Variants in SIL1 observed in about 807,000 individuals in gnomAD.
The protein encoded by SIL1 is nucleotide exchange factor SIL1.
SIL1 carries 40 observed loss-of-function variants against 49.1 expected under a neutral mutation model. The ratio of observed to expected loss-of-function variants is 0.81; its 90% confidence interval spans 0.63 to 1.06. SIL1 has a LOEUF of 1.06. SIL1 is among the 50% of genes least tolerant of loss of function. The pLI, the probability that SIL1 is intolerant of heterozygous loss-of-function variation, is 0.00. For synonymous variants in SIL1, 253 were observed against 250.8 expected (o/e 1.01, Z -0.08); for missense variants, 500 against 572.6 (o/e 0.87, Z 1.29).
chr5:139,093,373 G>A (rs1202918544), intron 3 of SIL1, among the ~76,000 whole-genome samples: 1 of 152,206 alleles, frequency 6.6e-6, no homozygotes, highest in African/African-American at 2.4e-5. Context: ...GATAAATCAA[G>A]TTCTAACACA....
At chr5:139,143,048 G>A (rs1161407737) in intron 1 of SIL1, among the ~76,000 whole-genome samples, 5 of 151,596 alleles carry the variant, frequency 3.3e-5, no homozygotes, top group Admixed American at 2.0e-4. Context: ...GATTACAAGC[G>A]TGAGCCACCG....
intron 3 of SIL1, among the ~76,000 whole-genome samples, chr5:139,086,618 A>G (rs956531704): frequency 4.6e-5 from 7 of 151,470 alleles, no homozygotes; most frequent in African/African-American, 1.2e-4. Flanking sequence ...CGGCCTCCCA[A>G]AGTGCTGGGA....
intron 7 of SIL1, among the ~76,000 whole-genome samples, chr5:139,018,625 G>A (rs1242842844): frequency 1.4e-5 from 2 of 147,454 alleles, no homozygotes; most frequent in African/African-American, 5.0e-5. Flanking sequence ...AGCACCAAGA[G>A]ATACATGGTA....
At chr5:139,112,774 G>A (rs1351251265) in intron 3 of SIL1, among the ~76,000 whole-genome samples, 30 of 152,050 alleles carry the variant, frequency 2.0e-4, no homozygotes, top group Admixed American at 3.3e-4. Context: ...CCCTCTGCCC[G>A]GCCACCACCC....
At chr5:138,949,406 T>C (rs543823567) in intron 9 of SIL1, among the ~76,000 whole-genome samples, 63 of 152,316 alleles carry the variant, frequency 4.1e-4, no homozygotes, top group South Asian at 1.5e-3. Flanking sequence ...CATGACAACA[T>C]GCTGCAGTGA....
intron 7 of SIL1, among the ~76,000 whole-genome samples, chr5:138,954,332 GCCAA>G (rs1321287741): frequency 2.0e-5 from 3 of 152,268 alleles, no homozygotes; most frequent in African/African-American, 7.2e-5. Context: ...AGGACCATGG[GCCAA>G]ACATGGGCTG....
Position 138,951,149 on chromosome 5 carries a change from C to T in SIL1, c.1029+22G>A, listed in dbSNP as rs568084946. 7 of 1,609,002 alleles carry T rather than the reference C, an allele frequency of 4.4e-6. No individual in the cohort carries two copies. The East Asian group carries it at 1.1e-4, about 26-fold the overall frequency. ...CACACACAAAGCAAACAAGAGGAGA[C>T]TGGGTGGGCCTGGGCACTCACCTTC... is the stretch of plus-strand genomic sequence containing the variant. On this transcript the variant is annotated intron_variant, in intron 9 of 9. Coordinates refer to ENST00000394817, the MANE Select transcript of SIL1 (RefSeq NM_022464.5).
At chr5:139,063,262 C>A (rs1436204368) in intron 3 of SIL1, among the ~76,000 whole-genome samples, 1 of 152,206 alleles carries the variant, frequency 6.6e-6, no homozygotes. Context: ...AAGCATCAGA[C>A]CTTTAAGCAT....
intron 3 of SIL1, among the ~76,000 whole-genome samples, chr5:139,116,536 C>A (rs13188935): frequency 1.3e-5 from 2 of 152,078 alleles, no homozygotes; most frequent in Admixed American, 6.5e-5. Flanking sequence ...GAACAAGGGG[C>A]CCTCTGCCAG....
At position 139,088,643 on chromosome 5, in the gene SIL1, A is replaced by G. The variant is rs1451640578; in HGVS notation, c.244+32392T>C. On this transcript the variant is annotated intron_variant, in intron 3 of 9. Coordinates refer to ENST00000394817, the MANE Select transcript of SIL1 (RefSeq NM_022464.5). ...CCCAGAATCCTCCATGGCCCTTTCA[A>G]GGGAAGACTTGGCTTTGGTCAGCAG... Among the ~76,000 whole-genome samples the G allele has an allele frequency of 2.0e-5, 3 of 152,192 alleles. No homozygotes were observed. The East Asian group carries it at 5.8e-4, about 29-fold the overall frequency.
intron 3 of SIL1, among the ~76,000 whole-genome samples, chr5:139,089,471 C>T (rs907406160): frequency 1.3e-5 from 2 of 152,200 alleles, no homozygotes; most frequent in African/African-American, 4.8e-5. Flanking sequence ...TCTCCTGAAG[C>T]TTCCACCTGT....
At chr5:139,146,514 C>A (rs1027285911) in intron 1 of SIL1, among the ~76,000 whole-genome samples, 1 of 152,098 alleles carries the variant, frequency 6.6e-6, no homozygotes, top group African/African-American at 2.4e-5. Context: ...GTCATGATGG[C>A]ACCACTGTAC....
chr5:139,112,535 C>A (rs1237560543), intron 3 of SIL1, among the ~76,000 whole-genome samples: 1 of 151,854 alleles, frequency 6.6e-6, no homozygotes, highest in Non-Finnish European at 1.5e-5. Context: ...TGCCCGGCCG[C>A]CCCGTCTGAG....
intron 3 of SIL1, among the ~76,000 whole-genome samples, chr5:139,106,537 G>T (rs1277734090): frequency 6.6e-6 from 1 of 152,138 alleles, no homozygotes; most frequent in Non-Finnish European, 1.5e-5. Flanking sequence ...AAAATACAAA[G>T]AATGTTTTTT....
intron 2 of SIL1, 146 bp downstream of exon 2, chr5:139,127,593 A>T: frequency 5.8e-6 from 4 of 684,408 alleles, no homozygotes; most frequent in Non-Finnish European, 2.7e-6. Flanking sequence ...GAAGAAGTCT[A>T]CCTACTCCAT....
chr5:139,123,008 A>C (rs1231326231), intron 2 of SIL1, among the ~76,000 whole-genome samples: 2 of 151,224 alleles, frequency 1.3e-5, no homozygotes, highest in African/African-American at 2.4e-5. Context: ...AACAACATCT[A>C]GCTCATAGTT....
chr5:138,960,296 G>A (rs1422378001), intron 7 of SIL1, among the ~76,000 whole-genome samples: 1 of 152,060 alleles, frequency 6.6e-6, no homozygotes, highest in Admixed American at 6.5e-5. Flanking sequence ...GACAGAGTCT[G>A]CCACAAGCTC....
At chr5:138,952,936 T>C (rs904798198) in intron 7 of SIL1, among the ~76,000 whole-genome samples, 1 of 152,214 alleles carries the variant, frequency 6.6e-6, no homozygotes, top group Non-Finnish European at 1.5e-5. Flanking sequence ...AGGGACCAGA[T>C]AGTCAGGCCC....
chr5:139,022,584 G>C (rs1768554111), intron 6 of SIL1: 1 of 152,204 alleles, frequency 6.6e-6, no homozygotes, highest in South Asian at 2.1e-4. Context: ...GAATGTTCCT[G>C]AAATAAAGCT....
Sources: gnomAD v4.1 joint callset for allele counts (sites outside exome capture counted in the v4.1 genomes callset) on GRCh38, gnomAD v4.1.1 for gene constraint, MANE v1.5 for transcripts, NCBI Gene and HGNC (gene_info 2026-07-23, HGNC 2026-07-21) for gene names.